The following TMEM132C variants were observed in gnomAD, a reference collection of about 807,000 sequenced individuals.
TMEM132C encodes transmembrane protein 132C, also known as protein phosphatase 1, regulatory subunit 152.
A neutral mutation model predicts 61.4 loss-of-function variants in TMEM132C; 29 were observed. That is an observed-to-expected ratio of 0.47 (90% CI 0.35 to 0.64). The LOEUF is 0.64. Ranked by LOEUF, TMEM132C falls within the 30% of genes least tolerant of loss-of-function variation. The probability of loss-of-function intolerance (pLI) is 0.00; values close to 1 mark genes in which losing one functional copy is unlikely to be tolerated. For missense variants in TMEM132C, 1,408 were observed against 1,476.9 expected, an observed-to-expected ratio of 0.95 and a Z score of 0.76; for synonymous variants, 656 against 633.1, an observed-to-expected ratio of 1.04 and a Z score of -0.54.
chr12:128,490,896 A>G (rs1452896054), intron 2 of TMEM132C, among the ~76,000 whole-genome samples: 2 of 152,184 alleles, frequency 1.3e-5, no homozygotes, highest in African/African-American at 4.8e-5. Context: ...ATTACCCTCT[A>G]TCAGGCACTG....
intron 1 of TMEM132C, among the ~76,000 whole-genome samples, chr12:128,383,639 C>G (rs1302977144): frequency 6.6e-6 from 1 of 152,182 alleles, no homozygotes; most frequent in Non-Finnish European, 1.5e-5. Context: ...GTTTCTATTT[C>G]CCCTTCCCCA....
At chr12:128,489,562 C>CATATATATATAT (rs10654008) in intron 2 of TMEM132C, among the ~76,000 whole-genome samples, 16,326 of 137,746 alleles carry the variant, frequency 0.12, 1,072 homozygotes, top group East Asian at 0.25. Context: ...TTTATATGCT[C>CATATATATATAT]ATATATATAT....
chr12:128,284,449 G>T (rs1443652032), intron 1 of TMEM132C, among the ~76,000 whole-genome samples: 1 of 152,204 alleles, frequency 6.6e-6, no homozygotes, highest in Admixed American at 6.5e-5. Flanking sequence ...TCAGGGTTTG[G>T]ACCTACTGGG....
intron 1 of TMEM132C, among the ~76,000 whole-genome samples, chr12:128,390,435 G>A (rs1326525120): frequency 1.3e-5 from 2 of 152,052 alleles, no homozygotes; most frequent in Non-Finnish European, 2.9e-5. Context: ...GCTGTGGGTG[G>A]GTCCTGCTCA....
At chr12:128,648,575 C>T (rs1045289889) in intron 4 of TMEM132C, among the ~76,000 whole-genome samples, 6 of 145,896 alleles carry the variant, frequency 4.1e-5, no homozygotes, top group African/African-American at 1.5e-4. Flanking sequence ...TACTGGAGTC[C>T]ATCAGCACTG....
intron 2 of TMEM132C, among the ~76,000 whole-genome samples, chr12:128,492,484 C>T (rs147504302): frequency 0.038 from 5,766 of 152,256 alleles, 165 homozygotes; most frequent in Non-Finnish European, 0.055. Flanking sequence ...AAAAGTGTTC[C>T]GATTTCTCCA....
chr12:128,670,126 A>G (rs1954517213), intron 5 of TMEM132C, among the ~76,000 whole-genome samples: 1 of 152,192 alleles, frequency 6.6e-6, no homozygotes, highest in African/African-American at 2.4e-5. Context: ...CCTGGCCAAC[A>G]TGGTGAAACC....
intron 2 of TMEM132C, among the ~76,000 whole-genome samples, chr12:128,458,470 A>C (rs1870422667): frequency 6.6e-6 from 1 of 152,078 alleles, no homozygotes; most frequent in South Asian, 2.1e-4. Context: ...AGGGTTGTGT[A>C]ATCACTTCGT....
chr12:128,309,932 C>CA (rs1871914220), intron 1 of TMEM132C, among the ~76,000 whole-genome samples: 2 of 152,094 alleles, frequency 1.3e-5, no homozygotes, highest in Non-Finnish European at 2.9e-5. Context: ...GACGGGGTTT[C>CA]ACCATGTTTG....
intron 4 of TMEM132C, among the ~76,000 whole-genome samples, chr12:128,624,542 T>TA (rs1953997337): frequency 1.7e-5 from 1 of 58,676 alleles, no homozygotes; most frequent in African/African-American, 9.6e-5. Flanking sequence ...AGACTCCATC[T>TA]CAAAAAAAAA....
intron 1 of TMEM132C, among the ~76,000 whole-genome samples, chr12:128,366,061 G>T (rs527927317): frequency 6.6e-6 from 1 of 152,332 alleles, no homozygotes; most frequent in South Asian, 2.1e-4. Flanking sequence ...GTTTCGGAAG[G>T]CGCTGTGAAT....
chr12:128,343,324 T>C (rs559725646), intron 1 of TMEM132C, among the ~76,000 whole-genome samples: 54 of 151,448 alleles, frequency 3.6e-4, no homozygotes, highest in African/African-American at 1.3e-3. Context: ...CTCAGGAGGC[T>C]GAGGCAGGAG....
intron 4 of TMEM132C, among the ~76,000 whole-genome samples, chr12:128,635,046 C>T (rs1335952477): frequency 6.6e-6 from 1 of 152,120 alleles, no homozygotes; most frequent in Non-Finnish European, 1.5e-5. Context: ...GCACATATCA[C>T]CCACAAAAAA....
chr12:128,358,875 T>C (rs1026633919), intron 1 of TMEM132C, among the ~76,000 whole-genome samples: 2 of 152,210 alleles, frequency 1.3e-5, no homozygotes, highest in Admixed American at 1.3e-4. Context: ...CTTTCTGTGC[T>C]CTGCTAACCA....
In TMEM132C at chr12:128,341,545, A is replaced by C. The variant is rs140657568; in HGVS notation, c.86-73187A>C. Among the ~76,000 whole-genome samples the C allele has an allele frequency of 8.4e-4, 128 of 152,350 alleles. 1 individual carries two copies. The highest frequency in any genetic ancestry group is 3.0e-3 in the African/African-American group (126 of 41,576). ...ACATTATGTAGTTTATCGGAAAAAA[A>C]TATATTACGCAAGCTCTCCTGAAAC... On this transcript the variant is annotated intron_variant, in intron 1 of 8. Transcript: ENST00000435159.
intron 3 of TMEM132C, among the ~76,000 whole-genome samples, chr12:128,590,022 TC>T (rs1367890142): frequency 1.3e-5 from 2 of 152,218 alleles, no homozygotes; most frequent in African/African-American, 4.8e-5. Context: ...TGGAGGTTGT[TC>T]ATTGAATGAA....
chr12:128,600,041 G>A (rs1876114877), intron 3 of TMEM132C, among the ~76,000 whole-genome samples: 2 of 152,122 alleles, frequency 1.3e-5, no homozygotes, highest in Non-Finnish European at 2.9e-5. Flanking sequence ...GGAGTGCAGT[G>A]GCGCGATCTC....
At chr12:128,300,858 G>A (rs1161151297) in intron 1 of TMEM132C, among the ~76,000 whole-genome samples, 1 of 152,084 alleles carries the variant, frequency 6.6e-6, no homozygotes, top group Non-Finnish European at 1.5e-5. Flanking sequence ...GGCAACATAG[G>A]GGGACCCCAC....
chr12:128,627,781 G>C (rs961650073), intron 4 of TMEM132C, among the ~76,000 whole-genome samples: 4 of 152,272 alleles, frequency 2.6e-5, no homozygotes, highest in South Asian at 2.1e-4. Context: ...CAGTGTCCCA[G>C]CTCCCTCCGC....
Sources: gnomAD v4.1 joint callset for allele counts (sites outside exome capture counted in the v4.1 genomes callset) on GRCh38, gnomAD v4.1.1 for gene constraint, MANE v1.5 for transcripts, NCBI Gene and HGNC (gene_info 2026-07-23, HGNC 2026-07-21) for gene names.